The following ZNF253 variants were observed in gnomAD, a reference collection of about 807,000 sequenced individuals.
ZNF253 encodes the protein zinc finger protein 253.
A neutral mutation model predicts 11.9 loss-of-function variants in ZNF253; 8 were observed. That is an observed-to-expected ratio of 0.67 (90% CI 0.40 to 1.22). ZNF253 has a LOEUF of 1.22. ZNF253 is among the 50% of genes most tolerant of loss of function. The pLI, the probability that ZNF253 is intolerant of heterozygous loss-of-function variation, is 0.01. For missense variants in ZNF253, 485 were observed against 586.9 expected (o/e 0.83, Z 1.79); for synonymous variants, 194 against 194.9 (o/e 1.00, Z 0.04).
chr19:19,872,949 G>A (rs975725140), intron 1 of ZNF253, among the ~76,000 whole-genome samples: 1 of 152,176 alleles, frequency 6.6e-6, no homozygotes, highest in East Asian at 1.9e-4. Flanking sequence ...CTGCAGATAA[G>A]TTCTGGCCTC....
rs1261466855 is a variant in ZNF253, at chr19:19,893,271, C to T, written c.*524C>T. The T allele has an allele frequency of 1.5e-5, 1 of 65,608 alleles. No homozygotes were observed. The highest frequency in any genetic ancestry group is 2.5e-5 in the Non-Finnish European group (1 of 39,908). 4.1% of individuals were successfully genotyped at this position (65,608 alleles called of 1,614,324 possible). On this transcript the variant is annotated 3_prime_UTR_variant, in exon 4 of 4. Coordinates refer to ENST00000589717, the MANE Select transcript of ZNF253 (RefSeq NM_021047.3). ...GGGGTTACAGGCGTGAGCCACCATGCCTGGCTACAAGTTCTTAATTCTTAA... is the reference window on the plus strand; with the variant it reads ...GGGGTTACAGGCGTGAGCCACCATGTCTGGCTACAAGTTCTTAATTCTTAA...
At position 19,885,341 on chromosome 19, in the gene ZNF253, TCTTTCTTTCTTTCTTC is replaced by T. The variant is rs1568499252; in HGVS notation, c.226+5204_226+5219del. On this transcript the variant is annotated intron_variant, in intron 3 of 3. Coordinates refer to ENST00000589717, the MANE Select transcript of ZNF253 (RefSeq NM_021047.3). ...TTCTTTCTTTCTTTCTTTCTTTCTT[TCTTTCTTTCTTTCTTC>T]CTTTCTTTTCTTTCTTTTCTTTCTT... Among the ~76,000 whole-genome samples, 25 of 67,610 alleles carry T rather than the reference TCTTTCTTTCTTTCTTC, an allele frequency of 3.7e-4. 2 individuals carry two copies. The highest frequency in any genetic ancestry group is 3.6e-3 in the African/African-American group (22 of 6,104). 44.4% of individuals were successfully genotyped at this position (67,610 alleles called of 152,430 possible).
chr19:19,889,513 T>C (rs567408416), intron 3 of ZNF253, among the ~76,000 whole-genome samples: 13 of 152,192 alleles, frequency 8.5e-5, no homozygotes, highest in African/African-American at 3.1e-4. Context: ...ATTTGGCTGA[T>C]TTTTGTATTT....
intron 3 of ZNF253, among the ~76,000 whole-genome samples, chr19:19,881,621 G>A (rs73530906): frequency 0.078 from 11,517 of 146,888 alleles, 1,072 homozygotes; most frequent in African/African-American, 0.23. Flanking sequence ...TGCACTTCAG[G>A]CTGGGCAAAA....
chr19:19,882,628 T>C (rs2063182489), intron 3 of ZNF253, among the ~76,000 whole-genome samples: 1 of 152,224 alleles, frequency 6.6e-6, no homozygotes, highest in African/African-American at 2.4e-5. Flanking sequence ...ATTACAATTT[T>C]AGACAATTTG....
At chr19:19,878,326 G>C (rs2063163877) in intron 1 of ZNF253, among the ~76,000 whole-genome samples, 155 bp from the exon 2 acceptor site, 2 of 152,084 alleles carry the variant, frequency 1.3e-5, no homozygotes, top group African/African-American at 4.8e-5. Context: ...GGATACATTA[G>C]AGAATATTTT....
intron 3 of ZNF253, among the ~76,000 whole-genome samples, chr19:19,888,629 A>G (rs1261682627): frequency 5.9e-5 from 9 of 152,074 alleles, no homozygotes; most frequent in Admixed American, 5.9e-4. Context: ...CAACTTTGTT[A>G]TTGATTTTGC....
intron 3 of ZNF253, 92 bp downstream of exon 3, chr19:19,880,238 A>T: frequency 1.1e-6 from 1 of 937,630 alleles, no homozygotes; most frequent in South Asian, 1.6e-5. Flanking sequence ...TGATTCTGGA[A>T]GCTGTGTTCC....
At chr19:19,875,465 G>A (rs1188162493) in intron 1 of ZNF253, among the ~76,000 whole-genome samples, 2 of 151,770 alleles carry the variant, frequency 1.3e-5, no homozygotes, top group Admixed American at 6.6e-5. Context: ...GGTGGATCTC[G>A]GCTCACTGCA....
chr19:19,865,834 C>T, upstream of ZNF253: 1 of 918,044 alleles, frequency 1.1e-6, no homozygotes, highest in Non-Finnish European at 1.8e-6. Flanking sequence ...TGGAGCGAAC[C>T]ACATGGTTTC....
At chr19:19,872,561 CTATATATATATATATATATTATTATA>C (rs2063137941) in intron 1 of ZNF253, among the ~76,000 whole-genome samples, 1 of 121,996 alleles carries the variant, frequency 8.2e-6, no homozygotes, top group South Asian at 2.6e-4. Context: ...TAAACCATAA[CTATATATATATATATATATTATTATA>C]TATATATATA....
intron 3 of ZNF253, 44 bp downstream of exon 3, chr19:19,880,190 A>C (rs779081887): frequency 7.0e-7 from 1 of 1,437,474 alleles, no homozygotes; most frequent in Non-Finnish European, 9.5e-7. Flanking sequence ...CACAGATAAA[A>C]GGTCCCAATG....
chr19:19,870,591 AT>A (rs2063130090), intron 1 of ZNF253: 1 of 152,168 alleles, frequency 6.6e-6, no homozygotes, highest in African/African-American at 2.4e-5. Context: ...CTAAGTTGGA[AT>A]GCTGCTATTA....
rs1305386976 is a variant in ZNF253, at chr19:19,869,753, A to G, written c.3+3754A>G. Among the ~76,000 whole-genome samples the G allele has an allele frequency of 2.2e-5, 3 of 136,782 alleles. No homozygotes were observed. In the Admixed American group the frequency reaches 2.5e-4, roughly 11 times the overall value. The allele number at this position is 136,782 out of a possible 152,430, so 89.7% of individuals were successfully genotyped here. On this transcript the variant is annotated intron_variant, in intron 1 of 3. Coordinates refer to ENST00000589717, the MANE Select transcript of ZNF253 (RefSeq NM_021047.3). ...GGTGTAATCTTGGCTCACTGCAATC[A>G]CTGCCTTCTGGTTTCAAGTAATTCT...
chr19:19,874,637 C>T (rs1000056028), intron 1 of ZNF253, among the ~76,000 whole-genome samples: 11 of 151,782 alleles, frequency 7.2e-5, no homozygotes, highest in Non-Finnish European at 1.0e-4. Context: ...ACAGGCCGGG[C>T]GCAGTGGCTC....
intron 3 of ZNF253, among the ~76,000 whole-genome samples, chr19:19,887,769 A>ATTTT (rs3062903): frequency 8.0e-6 from 1 of 124,398 alleles, no homozygotes; most frequent in African/African-American, 3.0e-5. Context: ...TTGATTTTTA[A>ATTTT]TTTTTTTTTT....
intron 1 of ZNF253, among the ~76,000 whole-genome samples, chr19:19,866,766 A>C (rs1473648053): frequency 1.3e-5 from 2 of 152,026 alleles, no homozygotes; most frequent in Non-Finnish European, 2.9e-5. Flanking sequence ...CCAGTTTGAA[A>C]GGGGTTTTTA....
rs2304169 is a variant in ZNF253 at position 19,865,892 on chromosome 19, A to G, written c.-105A>G. On this transcript the variant is annotated 5_prime_UTR_variant, in exon 1 of 4. Transcript: ENST00000589717. ...CAGCGGGAGCTCCAGGTTTATCCTC[A>G]GTGTTCTGTGTCCTGTGCTTATAGA... 4 of 1,414,578 alleles carry G rather than the reference A, an allele frequency of 2.8e-6. No individual in the cohort carries two copies. Among genetic ancestry groups the G allele is most frequent in the Non-Finnish European group, 3.0e-6 (3 of 998,390 alleles). 87.6% of individuals were successfully genotyped at this position (1,414,578 alleles called of 1,614,324 possible).
At position 19,894,636 on chromosome 19, in the gene ZNF253, TAATG is replaced by T. The variant is rs1241602442; in HGVS notation, c.*1893_*1896del. The T allele has an allele frequency of 6.6e-6, 1 of 152,258 alleles. No individual in the cohort carries two copies. Among genetic ancestry groups the T allele is most frequent in the South Asian group, 2.1e-4 (1 of 4,824 alleles). The allele number at this position is 152,258 out of a possible 1,614,324, so 9.4% of individuals were successfully genotyped here. A position where few individuals can be genotyped will look rare whatever the true frequency, so the allele number is the denominator to read the frequency against. On this transcript the variant is annotated 3_prime_UTR_variant, in exon 4 of 4. Coordinates refer to ENST00000589717, the MANE Select transcript of ZNF253 (RefSeq NM_021047.3). ...TCTTAAAACTTTTTTTCAAAAATCATAATGAATTATTTTATTAATAAGCAAAGAT... is the reference window on the plus strand; with the variant it reads ...TCTTAAAACTTTTTTTCAAAAATCATAATTATTTTATTAATAAGCAAAGAT...
Sources: allele counts gnomAD v4.1 joint callset (sites outside exome capture counted in the v4.1 genomes callset), GRCh38; gene constraint gnomAD v4.1.1; transcripts MANE v1.5; gene names NCBI Gene and HGNC (gene_info 2026-07-23, HGNC 2026-07-21).